Variants in PARD3B observed in about 807,000 individuals in gnomAD.
The protein encoded by PARD3B is par-3 family cell polarity regulator beta, also known as partitioning defective 3 homolog B.
A neutral mutation model predicts 130.2 loss-of-function variants in PARD3B; 103 were observed. That is an observed-to-expected ratio of 0.79 (90% confidence interval 0.67 to 0.93). PARD3B has a LOEUF of 0.93. PARD3B is among the 40% of genes least tolerant of loss of function. The pLI is 0.00. For synonymous variants in PARD3B, 583 were observed against 553.2 expected, an observed-to-expected ratio of 1.05 and a Z score of -0.76; for missense variants, 1,609 against 1,499.2, an observed-to-expected ratio of 1.07 and a Z score of -1.21.
chr2:204,842,547 C>G (rs1300843288), intron 2 of PARD3B, among the ~76,000 whole-genome samples: 1 of 152,018 alleles, frequency 6.6e-6, no homozygotes, highest in Non-Finnish European at 1.5e-5. Context: ...GAGATTCTCT[C>G]TAATAAATAA....
intron 15 of PARD3B, among the ~76,000 whole-genome samples, chr2:205,227,573 C>T (rs114252022): frequency 0.011 from 1,601 of 151,928 alleles, 33 homozygotes; most frequent in African/African-American, 0.037. Context: ...TGTCTGTCTT[C>T]TTAGGTGAAG....
Position 205,026,359 on chromosome 2 carries a change from T to C in PARD3B, c.395-21222T>C, listed in dbSNP as rs529480208. On this transcript the variant is annotated intron_variant, in intron 3 of 22. Transcript: ENST00000406610. ...CCAGATGAGACAGAGTCAAGCCTGATATAGACAGTCTTTTTTCTATTTTAT... is the reference window on the plus strand; with the variant it reads ...CCAGATGAGACAGAGTCAAGCCTGACATAGACAGTCTTTTTTCTATTTTAT... 2.6e-4 allele frequency among the ~76,000 whole-genome samples: 40 copies of C among 152,290 alleles called. No individual in the cohort carries two copies. The South Asian group carries it at 6.8e-3, about 26-fold the overall frequency.
rs561996575 is a variant in PARD3B, at chr2:205,530,202, C to T, written c.3181-23122C>T. Among the ~76,000 whole-genome samples the T allele has an allele frequency of 3.9e-5, 6 of 152,246 alleles. No homozygotes were observed. The highest frequency in any genetic ancestry group is 7.4e-5 in the Non-Finnish European group (5 of 68,014). The stretch of plus-strand genomic sequence containing the variant: ...GAAATAGTAAACCAAAAGTTCTCTC[C>T]GCCACATTTATGTTTCTAGTGAAGT... On this transcript the variant is annotated intron_variant, in intron 21 of 22. Transcript: ENST00000406610. This position sits in a 1 kb window ranked among gnomAD's most constrained non-coding sequence, Gnocchi z 4.7.
chr2:205,165,981 C>T (rs2034791437), intron 11 of PARD3B, among the ~76,000 whole-genome samples: 1 of 151,914 alleles, frequency 6.6e-6, no homozygotes, highest in Non-Finnish European at 1.5e-5. Context: ...TATGCCCTGG[C>T]ATATTCAAGA....
At chr2:204,909,453 G>A (rs2047153907) in intron 2 of PARD3B, among the ~76,000 whole-genome samples, 1 of 152,088 alleles carries the variant, frequency 6.6e-6, no homozygotes, top group African/African-American at 2.4e-5. Flanking sequence ...AAATATTTGT[G>A]CATTAATTTT....
At chr2:205,014,844 G>T (rs1362860005) in intron 3 of PARD3B, among the ~76,000 whole-genome samples, 1 of 152,188 alleles carries the variant, frequency 6.6e-6, no homozygotes, top group Admixed American at 6.5e-5. Flanking sequence ...GTAAAGAAGT[G>T]AAATTTAAGC....
At chr2:205,081,866 G>A (rs1189320867) in intron 4 of PARD3B, among the ~76,000 whole-genome samples, 1 of 151,966 alleles carries the variant, frequency 6.6e-6, no homozygotes. Flanking sequence ...GTATTTATAT[G>A]GCCTAGGTTT....
chr2:204,568,445 G>A (rs1331924282), intron 1 of PARD3B, among the ~76,000 whole-genome samples: 1 of 152,120 alleles, frequency 6.6e-6, no homozygotes. Context: ...TAGAAGGCAG[G>A]AATAAATTGT....
At chr2:204,618,505 T>G (rs1384394770) in intron 1 of PARD3B, among the ~76,000 whole-genome samples, 1 of 152,210 alleles carries the variant, frequency 6.6e-6, no homozygotes, top group East Asian at 1.9e-4. Flanking sequence ...AGTGGACATG[T>G]CCACAACTGC....
intron 3 of PARD3B, among the ~76,000 whole-genome samples, chr2:205,017,356 C>CT (rs1475811264): frequency 6.6e-6 from 1 of 152,144 alleles, no homozygotes; most frequent in African/African-American, 2.4e-5. Context: ...TACATTCCAG[C>CT]TCTTGCTTCT....
intron 3 of PARD3B, among the ~76,000 whole-genome samples, chr2:205,032,810 G>C (rs1697520289): frequency 6.6e-6 from 1 of 152,076 alleles, no homozygotes; most frequent in Non-Finnish European, 1.5e-5. Flanking sequence ...GTCTTGCCAG[G>C]AACTTTGAAT....
In PARD3B at chr2:204,606,853, A is replaced by C. The variant is rs2033741922; in HGVS notation, c.120+60734A>C. On this transcript the variant is annotated intron_variant, in intron 1 of 22. Transcript: ENST00000406610. The surrounding 1 kb of genome is among the most constrained non-coding windows in gnomAD (Gnocchi z 4.0). ...CCAGGGAGAGTAAAACAAAATCTTA[A>C]AGTAGCAGTTTTGTTTGTGTGTGTG... 6.6e-6 allele frequency among the ~76,000 whole-genome samples: 1 copy of C among 152,128 alleles called. No individual in the cohort carries two copies. The highest frequency in any genetic ancestry group is 1.5e-5 in the Non-Finnish European group (1 of 68,014).
At chr2:205,583,375 C>CTGTGTG (rs1553553093) in intron 22 of PARD3B, among the ~76,000 whole-genome samples, 3 of 23,404 alleles carry the variant, frequency 1.3e-4, no homozygotes, top group Non-Finnish European at 2.0e-4. Flanking sequence ...TCCTCCTAAG[C>CTGTGTG]TCTGTGTGTG....
intron 2 of PARD3B, among the ~76,000 whole-genome samples, chr2:204,797,068 G>C (rs1194771079): frequency 6.6e-6 from 1 of 151,534 alleles, no homozygotes; most frequent in South Asian, 2.1e-4. Context: ...CCAGCTACTC[G>C]GGAGGCTGAG....
rs182335517 is a variant in PARD3B, at chr2:205,153,900, A to G, written c.1435-4822A>G. On this transcript the variant is annotated intron_variant, in intron 10 of 22. Transcript: ENST00000406610. ...CATCTTGTACAAAAATTAATTCAAG[A>G]TGGATTAAAGACTTAAATGTTAGAC... Among the ~76,000 whole-genome samples the G allele has an allele frequency of 4.9e-4, 75 of 152,354 alleles. No individual in the cohort carries two copies. In the East Asian group the frequency reaches 0.014, roughly 29 times the overall value.
At chr2:204,840,709 A>G (rs1042425280) in intron 2 of PARD3B, among the ~76,000 whole-genome samples, 2 of 152,156 alleles carry the variant, frequency 1.3e-5, no homozygotes, top group Admixed American at 6.5e-5. Context: ...CCAGGGTTTC[A>G]TCTTCTGCAG....
chr2:205,375,261 A>G (rs1333015843), intron 18 of PARD3B, among the ~76,000 whole-genome samples: 2 of 152,230 alleles, frequency 1.3e-5, no homozygotes, highest in East Asian at 1.9e-4. Context: ...GTGAAATACA[A>G]TGTAAAGAAC....
intron 15 of PARD3B, among the ~76,000 whole-genome samples, chr2:205,196,940 T>C (rs2036711945): frequency 6.6e-6 from 1 of 151,886 alleles, no homozygotes; most frequent in Admixed American, 6.6e-5. Context: ...CTTTGGCTCT[T>C]CATATGTACT....
intron 22 of PARD3B, among the ~76,000 whole-genome samples, chr2:205,565,446 T>C (rs929996781): frequency 6.6e-6 from 1 of 152,100 alleles, no homozygotes; most frequent in South Asian, 2.1e-4. Context: ...CAAAATCAGG[T>C]CCATATATAA....
Sources: allele counts gnomAD v4.1 joint callset (sites outside exome capture counted in the v4.1 genomes callset), GRCh38; gene constraint gnomAD v4.1.1; non-coding constraint Gnocchi (gnomAD v3.1); transcripts MANE v1.5; gene names NCBI Gene and HGNC (gene_info 2026-07-23, HGNC 2026-07-21).